Variants in OGT observed in about 807,000 individuals in gnomAD.
OGT encodes the protein O-linked N-acetylglucosamine (GlcNAc) transferase.
In OGT, 3 loss-of-function variants were observed where a neutral mutation model predicts 75.8. The observed-to-expected ratio is 0.04, with a 90% confidence interval of 0.02 to 0.10. The LOEUF (loss-of-function observed/expected upper bound fraction) is 0.10, where lower values mean the gene tolerates loss of function less well. OGT is among the 10% of genes least tolerant of loss of function. The pLI is 1.00. For synonymous variants in OGT, 257 were observed against 289.7 expected (o/e 0.89, Z 1.15); for missense variants, 260 against 824.4 (o/e 0.32, Z 8.38).
chrX:71,544,665 T>C, intron 4 of OGT, 30 bp downstream of exon 4: 1 of 1,126,716 alleles, frequency 8.9e-7, no homozygotes. Flanking sequence ...CATTTAAACA[T>C]CAGTATTATG....
Position 71,568,096 on chromosome X carries a change from G to A in OGT, c.2946G>A (p.Lys982=), listed in dbSNP as rs2040428091. 8.3e-7 allele frequency: 1 copy of A among 1,204,886 alleles called. No individual in the cohort carries two copies. The highest frequency in any genetic ancestry group is 1.1e-6 in the Non-Finnish European group (1 of 892,555). Residue 982 remains lysine (K), a synonymous_variant, in exon 21 of 22, where the codon AAG becomes AAA. Coordinates refer to ENST00000373719, the MANE Select transcript of OGT (RefSeq NM_181672.3). ...AAGAATATGAAGACATAGCTGTGAA[G>A]CTGGGAACTGATCTAGAATAGTAAG... The part of the protein sequence containing the change: ...NRQEYEDIAV[K]LGTDLEYLKK...
intron 11 of OGT, 60 bp downstream of exon 11, chrX:71,557,356 A>T: frequency 9.4e-7 from 1 of 1,068,678 alleles, no homozygotes; most frequent in Non-Finnish European, 1.3e-6. Context: ...TAATTGTTGT[A>T]TGCCATAAGA....
At chrX:71,560,876 T>C (rs772706187) in intron 14 of OGT, among the ~76,000 whole-genome samples, 1 of 111,150 alleles carries the variant, frequency 9.0e-6, no homozygotes, top group East Asian at 2.8e-4. Context: ...GTCAATACTT[T>C]AACTCACCAT....
chrX:71,573,144 C>A (rs2040469708), intron 21 of OGT, among the ~76,000 whole-genome samples: 1 of 112,301 alleles, frequency 8.9e-6, no homozygotes, highest in South Asian at 3.7e-4. Context: ...AATGATGCTT[C>A]AATGAATATC....
At chrX:71,570,486 G>GGGC (rs778410353) in intron 21 of OGT, among the ~76,000 whole-genome samples, 5 of 111,811 alleles carry the variant, frequency 4.5e-5, no homozygotes, top group Non-Finnish European at 9.4e-5. Context: ...TCCTACTTAT[G>GGGC]AGTTTTGAGA....
At chrX:71,562,763 T>C (rs2040392962) in intron 15 of OGT, 84 bp from the exon 16 acceptor site, 1 of 868,750 alleles carries the variant, frequency 1.2e-6, no homozygotes, top group Non-Finnish European at 1.6e-6. Flanking sequence ...AAGTTGTACA[T>C]ATTTAATGTA....
intron 5 of OGT, 106 bp downstream of exon 5, chrX:71,548,129 C>T: frequency 1.2e-6 from 1 of 818,105 alleles, no homozygotes; most frequent in Non-Finnish European, 1.7e-6. Flanking sequence ...ATCTTTGTTT[C>T]TCTGGCGGTA....
At chrX:71,565,198 TTTTA>T (rs760156979) in intron 19 of OGT, among the ~76,000 whole-genome samples, 33 of 112,027 alleles carry the variant, frequency 2.9e-4, no homozygotes, top group Admixed American at 1.5e-3. Flanking sequence ...AAAAAATTTA[TTTTA>T]TTTATTTACA....
chrX:71,543,764 G>A (rs1438321975), intron 3 of OGT, among the ~76,000 whole-genome samples: 11 of 61,034 alleles, frequency 1.8e-4, no homozygotes, highest in Non-Finnish European at 7.5e-5. Context: ...GTGTGTGTGT[G>A]TGTATATATA....
At chrX:71,563,648 T>C in intron 18 of OGT, 149 bp downstream of exon 18, 3 of 443,662 alleles carry the variant, frequency 6.8e-6, no homozygotes, top group Non-Finnish European at 1.1e-5. Context: ...CTTATATAGG[T>C]GTGTCTGATT....
Position 71,556,997 on chromosome X carries a change from T to C in OGT, c.1212T>C (p.Thr404=), listed in dbSNP as rs750188897. ...ATGCCTACTCTAATATGGGAAACAC[T>C]CTAAAGGAGATGCAGGATGTTCAGG... ...FADAYSNMGN[T]LKEMQDVQGA... Residue 404 remains threonine (T), a synonymous_variant, in exon 10 of 22, where the codon ACT becomes ACC. Transcript: ENST00000373719. The C allele has an allele frequency of 2.6e-5, 31 of 1,208,413 alleles. No homozygotes were observed. The East Asian group carries it at 8.9e-4, about 35-fold the overall frequency.
At chrX:71,539,353 T>TTA (rs1459006664) in intron 3 of OGT, among the ~76,000 whole-genome samples, 2 of 112,250 alleles carry the variant, frequency 1.8e-5, no homozygotes, top group African/African-American at 6.5e-5. Context: ...ATCCATTGCT[T>TTA]TAAAAAACAT....
chrX:71,572,370 T>TAA (rs1364776649), intron 21 of OGT, among the ~76,000 whole-genome samples: 1 of 112,688 alleles, frequency 8.9e-6, no homozygotes, highest in East Asian at 2.8e-4. Context: ...TTTAAAAAAA[T>TAA]AGAGTGCACA....
chrX:71,562,769 A>T (rs988357608), intron 15 of OGT, 78 bp from the exon 16 acceptor site: 3 of 897,017 alleles, frequency 3.3e-6, no homozygotes, highest in Non-Finnish European at 4.6e-6. Flanking sequence ...TACATATTTA[A>T]TGTATGTGAC....
chrX:71,540,932 C>T (rs2147670145), intron 3 of OGT, among the ~76,000 whole-genome samples: 1 of 111,720 alleles, frequency 9.0e-6, no homozygotes, highest in Non-Finnish European at 1.9e-5. Flanking sequence ...TTCAGCCTCC[C>T]AAAGTGCTGG....
chrX:71,533,689 G>T (rs1017911298), intron 1 of OGT, among the ~76,000 whole-genome samples: 1 of 110,747 alleles, frequency 9.0e-6, no homozygotes, highest in Non-Finnish European at 1.9e-5. Flanking sequence ...CCTTTGCAGC[G>T]GTTTTCTCCC....
chrX:71,558,365 C>CTT (rs563849120), intron 12 of OGT, among the ~76,000 whole-genome samples: 2 of 99,911 alleles, frequency 2.0e-5, no homozygotes, highest in South Asian at 4.4e-4. Context: ...GCTAGGTGTA[C>CTT]TTTTTTTTTT....
At chrX:71,561,209 T>A (rs960290343) in intron 14 of OGT, among the ~76,000 whole-genome samples, 2 of 110,832 alleles carry the variant, frequency 1.8e-5, no homozygotes, top group Non-Finnish European at 3.8e-5. Flanking sequence ...ATTACAGATG[T>A]GAGCCACCAT....
chrX:71,570,128 C>T (rs1375594298), intron 21 of OGT, among the ~76,000 whole-genome samples: 2 of 102,041 alleles, frequency 2.0e-5, no homozygotes, highest in African/African-American at 7.3e-5. Flanking sequence ...GCAACCTCTG[C>T]CTCCCGGGTT....
Sources: gnomAD v4.1 joint callset for allele counts (sites outside exome capture counted in the v4.1 genomes callset) on GRCh38, gnomAD v4.1.1 for gene constraint, MANE v1.5 for transcripts, NCBI Gene and HGNC (gene_info 2026-07-23, HGNC 2026-07-21) for gene names.